TRPM3: variants seen among roughly 807,000 people sequenced by gnomAD.
The protein encoded by TRPM3 is transient receptor potential cation channel subfamily M member 3.
TRPM3 carries 77 observed loss-of-function variants against 181.2 expected under a neutral mutation model. The observed-to-expected ratio is 0.42, with a 90% confidence interval of 0.35 to 0.51. The LOEUF is 0.51. TRPM3 is among the 20% of genes least tolerant of loss of function. The pLI is 0.01. For synonymous variants in TRPM3, 745 were observed against 796.4 expected (o/e 0.94, Z 1.09); for missense variants, 1,759 against 2,196.7 (o/e 0.80, Z 3.98).
intron 8 of TRPM3, among the ~76,000 whole-genome samples, chr9:70,688,081 A>G (rs2067445528): frequency 6.6e-6 from 1 of 151,944 alleles, no homozygotes; most frequent in Middle Eastern, 3.2e-3. Flanking sequence ...GGCATCTACT[A>G]TTACACTCCT....
At position 70,545,674 on chromosome 9, in the gene TRPM3, A is replaced by G. The variant is rs1028615227; in HGVS notation, c.3707+3868T>C. Reference sequence around the variant, plus strand: ...CGATTTTCCTGCCTTAGCTCCCACAAGTAGCTGGCATTACAGGTGCCTGCC... The same window carrying G: ...CGATTTTCCTGCCTTAGCTCCCACAGGTAGCTGGCATTACAGGTGCCTGCC... On this transcript the variant is annotated intron_variant, in intron 25 of 25. Transcript: ENST00000677713. Among the ~76,000 whole-genome samples the G allele has an allele frequency of 8.7e-5, 13 of 149,276 alleles. No individual in the cohort carries two copies. In the Admixed American group the frequency reaches 8.9e-4, roughly 10 times the overall value.
rs114177263 is a variant in TRPM3, at chr9:70,751,666, A to G, written c.1272+9935T>C. On this transcript the variant is annotated intron_variant, in intron 8 of 25. Coordinates refer to ENST00000677713, the MANE Select transcript of TRPM3 (RefSeq NM_001366145.2). ...GTCATTGAAATTTTAGGAAGGTAGA[A>G]AAGACAGAAGTAGAACCCAATGCAG... Among the ~76,000 whole-genome samples, 942 of 152,304 alleles carry G rather than the reference A, an allele frequency of 6.2e-3. 9 individuals are homozygous for G. The highest frequency in any genetic ancestry group is 0.02 in the African/African-American group (845 of 41,576).
intron 1 of TRPM3, among the ~76,000 whole-genome samples, chr9:71,389,532 G>A (rs1042372704): frequency 1.3e-5 from 2 of 152,046 alleles, no homozygotes; most frequent in Non-Finnish European, 1.5e-5. Context: ...ACTTGCACAC[G>A]CAGGTTTATA....
chr9:70,864,528 A>AAAAAAAAAAAAAAAG lies in TRPM3; in HGVS notation c.178-18_178-17insCTTTTTTTTTTTTTT. On this transcript the variant is annotated splice_polypyrimidine_tract_variant and intron_variant, in intron 1 of 25. Transcript: ENST00000677713. ...TTTCTGAGCCTGAAAAAGAAAACAA[A>AAAAAAAAAAAAAAAG]AAAAAAAAAAAAAGAAAAAAGAAAG... 1 of 1,423,370 alleles carries AAAAAAAAAAAAAAAG rather than the reference A, an allele frequency of 7.0e-7. No homozygotes were observed. Among genetic ancestry groups the AAAAAAAAAAAAAAAG allele is most frequent in the Non-Finnish European group, 9.3e-7 (1 of 1,081,076 alleles). 88.2% of individuals were successfully genotyped at this position (1,423,370 alleles called of 1,614,324 possible).
At chr9:71,027,890 A>G (rs1245768807) in intron 1 of TRPM3, among the ~76,000 whole-genome samples, 1 of 152,210 alleles carries the variant, frequency 6.6e-6, no homozygotes. Context: ...TGGAAAACAT[A>G]TTTCAGGATT....
In TRPM3 at chr9:70,557,410, G is replaced by T. The variant is rs144380215; in HGVS notation, c.3224-4100C>A. Reference sequence around the variant, plus strand: ...ATTTGGTAATATCAGCAAAGAAAGAGCATTATATGCAGCAGTTAATGCAAA... The same window carrying T: ...ATTTGGTAATATCAGCAAAGAAAGATCATTATATGCAGCAGTTAATGCAAA... On this transcript the variant is annotated intron_variant, in intron 22 of 25. Coordinates refer to ENST00000677713, the MANE Select transcript of TRPM3 (RefSeq NM_001366145.2). Among the ~76,000 whole-genome samples the T allele has an allele frequency of 3.0e-3, 463 of 152,330 alleles. 3 individuals carry two copies. Among genetic ancestry groups the T allele is most frequent in the African/African-American group, 0.01 (436 of 41,572 alleles).
At chr9:70,639,810 C>A (rs1239569623) in intron 10 of TRPM3, among the ~76,000 whole-genome samples, 1 of 152,146 alleles carries the variant, frequency 6.6e-6, no homozygotes, top group East Asian at 1.9e-4. Context: ...TAGACTCTGA[C>A]AAATCTTTCC....
chr9:71,222,787 T>C (rs1260817607), intron 1 of TRPM3, among the ~76,000 whole-genome samples: 1 of 152,116 alleles, frequency 6.6e-6, no homozygotes, highest in Non-Finnish European at 1.5e-5. Context: ...GGGTTTTGCA[T>C]TGGAACTCGG....
chr9:70,799,112 C>A (rs369947843), intron 6 of TRPM3, among the ~76,000 whole-genome samples: 1 of 152,206 alleles, frequency 6.6e-6, no homozygotes, highest in Non-Finnish European at 1.5e-5. Context: ...CAAAGGTTTA[C>A]ATTCTTCCCC....
At position 70,534,548 on chromosome 9, in the gene TRPM3, G is replaced by C. The variant is rs185250687; in HGVS notation, c.*1405C>G. The C allele has an allele frequency of 1.9e-3, 291 of 152,212 alleles. 1 individual carries two copies. Among genetic ancestry groups the C allele is most frequent in the African/African-American group, 6.8e-3 (283 of 41,528 alleles). 9.4% of individuals were successfully genotyped at this position (152,212 alleles called of 1,614,324 possible). The stretch of plus-strand genomic sequence containing the variant: ...AAATGCATATACATGTGTATAAGTG[G>C]CATATACTATAGAACTCTTTATATG... On this transcript the variant is annotated 3_prime_UTR_variant, in exon 26 of 26. Transcript: ENST00000677713.
intron 22 of TRPM3, among the ~76,000 whole-genome samples, chr9:70,579,836 C>T (rs1234961113): frequency 6.6e-6 from 1 of 152,210 alleles, no homozygotes; most frequent in Non-Finnish European, 1.5e-5. Context: ...CACCATGTGT[C>T]TTTGTGAAGC....
intron 3 of TRPM3, among the ~76,000 whole-genome samples, chr9:70,861,699 T>G (rs1046051521): frequency 8.5e-5 from 13 of 152,184 alleles, no homozygotes; most frequent in Non-Finnish European, 7.4e-5. Context: ...ATGCATCTCT[T>G]AAGTGAGTAA....
intron 15 of TRPM3, 86 bp from the exon 16 acceptor site, chr9:70,620,451 T>C: frequency 7.1e-7 from 1 of 1,413,840 alleles, no homozygotes; most frequent in Non-Finnish European, 9.7e-7. Context: ...TTCTCCCAGC[T>C]AGCTCTGGGA....
intron 1 of TRPM3, among the ~76,000 whole-genome samples, chr9:71,091,175 T>C (rs998985358): frequency 8.5e-5 from 13 of 152,180 alleles, no homozygotes; most frequent in African/African-American, 3.1e-4. Context: ...AGACAAGACA[T>C]TTTATTCTTT....
At chr9:70,976,586 A>C (rs922833080) in intron 1 of TRPM3, among the ~76,000 whole-genome samples, 4 of 152,214 alleles carry the variant, frequency 2.6e-5, no homozygotes, top group Admixed American at 2.6e-4. Context: ...AACGTATTCT[A>C]AGTGTTTATG....
chr9:71,151,463 G>C (rs1014622385), intron 1 of TRPM3, among the ~76,000 whole-genome samples: 3 of 151,926 alleles, frequency 2.0e-5, no homozygotes, highest in African/African-American at 7.2e-5. Context: ...AAATCTAAAA[G>C]ACATACATAT....
chr9:71,039,053 T>C (rs889610457), intron 1 of TRPM3, among the ~76,000 whole-genome samples: 24 of 152,226 alleles, frequency 1.6e-4, no homozygotes, highest in African/African-American at 5.8e-4. Context: ...ATGTATCATG[T>C]ATCTTGCTAA....
intron 19 of TRPM3, among the ~76,000 whole-genome samples, chr9:70,608,351 A>ATGTG: frequency 6.6e-6 from 1 of 150,666 alleles, no homozygotes; most frequent in East Asian, 2.0e-4. Flanking sequence ...AAATTTGAAT[A>ATGTG]TGTGTTTCAA....
At chr9:71,303,486 G>T (rs1033179964) in intron 1 of TRPM3, among the ~76,000 whole-genome samples, 4 of 152,186 alleles carry the variant, frequency 2.6e-5, no homozygotes, top group Admixed American at 1.3e-4. Flanking sequence ...TAGAGAAATG[G>T]CAATAAGTCA....
Sources: gnomAD v4.1 joint callset for allele counts (sites outside exome capture counted in the v4.1 genomes callset) on GRCh38, gnomAD v4.1.1 for gene constraint, MANE v1.5 for transcripts, NCBI Gene and HGNC (gene_info 2026-07-23, HGNC 2026-07-21) for gene names.